LAMA2: variants seen among roughly 807,000 people sequenced by gnomAD.
LAMA2 encodes the protein laminin subunit alpha-2.
In LAMA2, 269 loss-of-function variants were observed where a neutral mutation model predicts 364.8. That is an observed-to-expected ratio of 0.74 (90% CI 0.67 to 0.82). The LOEUF (loss-of-function observed/expected upper bound fraction) is 0.82, where lower values mean the gene tolerates loss of function less well. Ranked by LOEUF, LAMA2 falls within the 40% of genes least tolerant of loss-of-function variation. The pLI is 0.00. For synonymous variants in LAMA2, 1,379 were observed against 1,370.6 expected (o/e 1.01, Z -0.14); for missense variants, 3,807 against 3,873.2 (o/e 0.98, Z 0.45).
chr6:129,159,832 A>T (rs1393874638), intron 8 of LAMA2, among the ~76,000 whole-genome samples: 2 of 152,164 alleles, frequency 1.3e-5, no homozygotes, highest in African/African-American at 4.8e-5. Context: ...ATTTTGTCAT[A>T]TGCTTTTCGA....
Position 128,922,447 on chromosome 6 carries a change from T to G in LAMA2, c.112+39090T>G, listed in dbSNP as rs564329899. ...TCATTGTGGTTTTGATTTGCATTTC[T>G]CTGATGGCCAGTGATGGTGAGCATT... On this transcript the variant is annotated intron_variant, in intron 1 of 64. Coordinates refer to ENST00000421865, the MANE Select transcript of LAMA2 (RefSeq NM_000426.4). Among the ~76,000 whole-genome samples the G allele has an allele frequency of 9.6e-3, 1,455 of 151,680 alleles. 27 individuals carry two copies. Among genetic ancestry groups the G allele is most frequent in the African/African-American group, 0.033 (1,376 of 41,160 alleles).
At chr6:129,078,899 C>T (rs1025767118) in intron 3 of LAMA2, among the ~76,000 whole-genome samples, 61 of 152,146 alleles carry the variant, frequency 4.0e-4, no homozygotes, top group African/African-American at 1.4e-3. Context: ...CAGTATTTGT[C>T]CTTTTGTAAC....
chr6:129,043,431 AT>A (rs887397951), intron 1 of LAMA2, among the ~76,000 whole-genome samples: 16 of 151,442 alleles, frequency 1.1e-4, no homozygotes, highest in African/African-American at 3.6e-4. Context: ...CATGTAGTGG[AT>A]TTTTTTTTCA....
intron 12 of LAMA2, among the ~76,000 whole-genome samples, chr6:129,249,530 T>A (rs925397061): frequency 6.6e-6 from 1 of 152,360 alleles, no homozygotes; most frequent in Admixed American, 6.5e-5. Flanking sequence ...ACTAAGCCTA[T>A]TTAATTGCAC....
chr6:128,961,580 A>G (rs1279492289), intron 1 of LAMA2, among the ~76,000 whole-genome samples: 1 of 149,136 alleles, frequency 6.7e-6, no homozygotes, highest in Non-Finnish European at 1.5e-5. Flanking sequence ...CAAGGGAGAA[A>G]GATGTAGACT....
intron 32 of LAMA2, among the ~76,000 whole-genome samples, chr6:129,357,144 G>C (rs1014504322): frequency 5.9e-5 from 9 of 151,882 alleles, no homozygotes; most frequent in Non-Finnish European, 4.4e-5. Flanking sequence ...CAACTAACCT[G>C]CCTTCAAGAA....
intron 49 of LAMA2, among the ~76,000 whole-genome samples, chr6:129,461,591 A>C (rs1783257843): frequency 6.6e-6 from 1 of 152,040 alleles, no homozygotes; most frequent in African/African-American, 2.4e-5. Context: ...TCTTTGGTAA[A>C]CTTCTAAGTA....
chr6:128,896,405 T>A (rs1776775370), intron 1 of LAMA2, among the ~76,000 whole-genome samples: 1 of 151,784 alleles, frequency 6.6e-6, no homozygotes, highest in South Asian at 2.1e-4. Flanking sequence ...CTCACCCTCC[T>A]TCCATTTTTT....
intron 1 of LAMA2, among the ~76,000 whole-genome samples, chr6:128,937,020 A>C (rs1306156695): frequency 6.6e-6 from 1 of 152,176 alleles, no homozygotes; most frequent in Non-Finnish European, 1.5e-5. Flanking sequence ...TGTAAGATTT[A>C]ATCCTGCTAC....
rs1220664798 is a variant in LAMA2 at position 129,309,634 on chromosome 6, T to C, written c.3175-3227T>C. On this transcript the variant is annotated intron_variant, in intron 22 of 64. Coordinates refer to ENST00000421865, the MANE Select transcript of LAMA2 (RefSeq NM_000426.4). ...CAAAGCAGTTGGCAAAGAAAAACTA[T>C]GTAAGTGAATATGTAAGACATCCTA... is the stretch of plus-strand genomic sequence containing the variant. Among the ~76,000 whole-genome samples the C allele has an allele frequency of 3.3e-5, 5 of 152,346 alleles. No homozygotes were observed. The East Asian group carries it at 9.6e-4, about 29-fold the overall frequency.
At chr6:129,385,249 G>A (rs963426314) in intron 35 of LAMA2, among the ~76,000 whole-genome samples, 6 of 119,200 alleles carry the variant, frequency 5.0e-5, no homozygotes, top group Non-Finnish European at 1.1e-4. Context: ...AAGAAGGAAG[G>A]AAAGAGGAAG....
chr6:129,295,817 G>A (rs902435674), intron 20 of LAMA2, among the ~76,000 whole-genome samples: 22 of 123,652 alleles, frequency 1.8e-4, no homozygotes, highest in African/African-American at 6.0e-4. Flanking sequence ...GTATATATAT[G>A]TGTTTATACA....
chr6:129,449,682 C>A (rs556416009), intron 45 of LAMA2, among the ~76,000 whole-genome samples: 1 of 152,040 alleles, frequency 6.6e-6, no homozygotes, highest in Admixed American at 6.5e-5. Context: ...GTATTCTATA[C>A]AATAGATTGG....
intron 32 of LAMA2, among the ~76,000 whole-genome samples, chr6:129,357,971 T>C (rs1777245196): frequency 6.6e-6 from 1 of 152,034 alleles, no homozygotes; most frequent in Non-Finnish European, 1.5e-5. Flanking sequence ...AACACTTTGC[T>C]TGTTGTACCC....
intron 56 of LAMA2, chr6:129,490,591 T>A (rs749127791): frequency 1.3e-5 from 2 of 152,168 alleles, no homozygotes; most frequent in Non-Finnish European, 2.9e-5. Context: ...TGTGATATCA[T>A]GTTGCTAAGA....
At chr6:129,207,023 AC>A (rs1782721891) in intron 12 of LAMA2, among the ~76,000 whole-genome samples, 1 of 152,232 alleles carries the variant, frequency 6.6e-6, no homozygotes, top group Admixed American at 6.5e-5. Flanking sequence ...GCCTGAGTAC[AC>A]ACTTCAGCAG....
At chr6:129,123,222 T>C (rs937148109) in intron 4 of LAMA2, among the ~76,000 whole-genome samples, 1 of 151,020 alleles carries the variant, frequency 6.6e-6, no homozygotes, top group Non-Finnish European at 1.5e-5. Flanking sequence ...AGAAGAATTG[T>C]GTGAACCGGG....
At chr6:129,123,405 C>A (rs1488992300) in intron 4 of LAMA2, among the ~76,000 whole-genome samples, 1 of 151,014 alleles carries the variant, frequency 6.6e-6, no homozygotes, top group Non-Finnish European at 1.5e-5. Context: ...CAATTGAAAT[C>A]AGGATCTCAA....
chr6:129,072,804 T>TC (rs1433789103), intron 3 of LAMA2, among the ~76,000 whole-genome samples: 2 of 152,106 alleles, frequency 1.3e-5, no homozygotes, highest in Non-Finnish European at 2.9e-5. Flanking sequence ...TTTACCTCAG[T>TC]CCCACCTCCC....
Sources: gnomAD v4.1 joint callset for allele counts (sites outside exome capture counted in the v4.1 genomes callset) on GRCh38, gnomAD v4.1.1 for gene constraint, MANE v1.5 for transcripts, NCBI Gene and HGNC (gene_info 2026-07-23, HGNC 2026-07-21) for gene names.